The following RBM38 variants were observed in gnomAD, a reference collection of about 807,000 sequenced individuals.
The protein encoded by RBM38 is RNA binding motif protein 38, also known as RNA-binding protein 38.
In RBM38, 11 loss-of-function variants were observed where a neutral mutation model predicts 23.5. That is an observed-to-expected ratio of 0.47 (90% CI 0.29 to 0.77). The LOEUF (loss-of-function observed/expected upper bound fraction) is 0.77, where lower values mean the gene tolerates loss of function less well. RBM38 is among the 30% of genes least tolerant of loss of function. The pLI is 0.08. For synonymous variants in RBM38, 165 were observed against 166.1 expected (o/e 0.99, Z 0.05); for missense variants, 330 against 351.9 (o/e 0.94, Z 0.50).
Position 57,408,190 on chromosome 20 carries a change from A to C in RBM38, c.*344A>C. ...CTCAGGCTTGTGTCCCCACTGCTGC[A>C]TCGTGGCGGGGTGTCACAGACCCTC... On this transcript the variant is annotated 3_prime_UTR_variant, in exon 4 of 4. Transcript: ENST00000356208. The C allele has an allele frequency of 2.5e-6, 1 of 402,860 alleles. No individual in the cohort carries two copies. Among genetic ancestry groups the C allele is most frequent in the East Asian group, 5.3e-5 (1 of 18,924 alleles). 25.0% of individuals were successfully genotyped at this position (402,860 alleles called of 1,614,324 possible).
intron 3 of RBM38, among the ~76,000 whole-genome samples, chr20:57,406,564 C>T (rs933021781): frequency 2.6e-5 from 4 of 152,128 alleles, no homozygotes; most frequent in African/African-American, 4.8e-5. Flanking sequence ...TGGGCGCTGG[C>T]GAGTATGGCA....
chr20:57,392,396 G>C, intron 1 of RBM38: 1 of 1,515,254 alleles, frequency 6.6e-7, no homozygotes, highest in Non-Finnish European at 8.8e-7. Context: ...TATCCCCGCA[G>C]GGGATTATTT....
At chr20:57,396,741 A>G (rs2067278582) in intron 3 of RBM38, among the ~76,000 whole-genome samples, 1 of 152,236 alleles carries the variant, frequency 6.6e-6, no homozygotes, top group Non-Finnish European at 1.5e-5. Context: ...GTCTCCAGAC[A>G]TTGCCAAATG....
intron 3 of RBM38, among the ~76,000 whole-genome samples, chr20:57,402,719 C>T (rs906815106): frequency 3.3e-5 from 5 of 152,240 alleles, no homozygotes; most frequent in African/African-American, 1.2e-4. Flanking sequence ...GGCCTGCGGC[C>T]GGGGCGGGGC....
chr20:57,402,637 G>T (rs11905472), intron 3 of RBM38, among the ~76,000 whole-genome samples: 320 of 152,380 alleles, frequency 2.1e-3, no homozygotes, highest in African/African-American at 7.5e-3. Context: ...TGAGCATGGC[G>T]TGTGAGTGGG....
chr20:57,402,716 G>A (rs756188765), intron 3 of RBM38, among the ~76,000 whole-genome samples: 2 of 152,266 alleles, frequency 1.3e-5, no homozygotes, highest in African/African-American at 4.8e-5. Context: ...TTGGGCCTGC[G>A]GCCGGGGCGG....
chr20:57,408,128 C>T lies in RBM38; in HGVS notation c.*282C>T. On this transcript the variant is annotated 3_prime_UTR_variant, in exon 4 of 4. Coordinates refer to ENST00000356208, the MANE Select transcript of RBM38 (RefSeq NM_017495.6). ...TCCTTGCACACCATGGCAGCCTCTCCTTGCACCTTCTCCTGCCTCTCCACA... is the reference window on the plus strand; with the variant it reads ...TCCTTGCACACCATGGCAGCCTCTCTTTGCACCTTCTCCTGCCTCTCCACA... The T allele has an allele frequency of 2.0e-6, 1 of 506,334 alleles. No individual in the cohort carries two copies. Among genetic ancestry groups the T allele is most frequent in the Non-Finnish European group, 3.6e-6 (1 of 277,254 alleles). The allele number at this position is 506,334 out of a possible 1,614,324, so 31.4% of individuals were successfully genotyped here. A position where few individuals can be genotyped will look rare whatever the true frequency, so the allele number is the denominator to read the frequency against.
intron 3 of RBM38, among the ~76,000 whole-genome samples, chr20:57,404,475 G>A (rs1237205855): frequency 6.6e-6 from 1 of 151,768 alleles, no homozygotes; most frequent in Non-Finnish European, 1.5e-5. Flanking sequence ...GGTCGGGGGG[G>A]CACTGATGAT....
intron 3 of RBM38, among the ~76,000 whole-genome samples, chr20:57,401,640 G>A (rs1220238418): frequency 6.6e-6 from 1 of 152,240 alleles, no homozygotes; most frequent in African/African-American, 2.4e-5. Context: ...TGATGAAGGG[G>A]CTTCCGATCA....
intron 3 of RBM38, among the ~76,000 whole-genome samples, chr20:57,406,913 G>GA (rs1199405384): frequency 6.6e-6 from 1 of 150,912 alleles, no homozygotes; most frequent in African/African-American, 2.5e-5. Flanking sequence ...AGAATGGCGT[G>GA]AACCCGGGTG....
At position 57,406,962 on chromosome 20, in the gene RBM38, C is replaced by T. The variant is rs1199715317; in HGVS notation, c.417-581C>T. Among the ~76,000 whole-genome samples the T allele has an allele frequency of 3.8e-4, 57 of 150,844 alleles. No individual in the cohort carries two copies. In the Middle Eastern group the frequency reaches 0.014, roughly 36 times the overall value. ...TGAGCGGAGATCCCGCCACTGCACT[C>T]CAGCCTGGGGAACAGAGCGAGACTC... is the stretch of plus-strand genomic sequence containing the variant. On this transcript the variant is annotated intron_variant, in intron 3 of 3. Transcript: ENST00000356208.
At chr20:57,403,219 CT>C (rs1295914795) in intron 3 of RBM38, among the ~76,000 whole-genome samples, 1 of 152,198 alleles carries the variant, frequency 6.6e-6, no homozygotes, top group Non-Finnish European at 1.5e-5. Flanking sequence ...TCACAGCAAG[CT>C]TTTGAGGTCA....
At chr20:57,404,948 C>T (rs560257295) in intron 3 of RBM38, among the ~76,000 whole-genome samples, 6 of 152,316 alleles carry the variant, frequency 3.9e-5, no homozygotes, top group African/African-American at 9.6e-5. Flanking sequence ...TCAGCAGACC[C>T]GGCCGCCCCC....
intron 3 of RBM38, among the ~76,000 whole-genome samples, chr20:57,397,505 C>T (rs73172341): frequency 1.3e-5 from 2 of 152,326 alleles, no homozygotes; most frequent in African/African-American, 2.4e-5. Context: ...TTTCAGGGAC[C>T]CCTACGTCCT....
intron 3 of RBM38, among the ~76,000 whole-genome samples, chr20:57,406,196 G>A (rs986162783): frequency 3.9e-5 from 6 of 152,232 alleles, no homozygotes; most frequent in Admixed American, 2.6e-4. Flanking sequence ...TTGCAGACGG[G>A]AAACTGAGGC....
intron 3 of RBM38, among the ~76,000 whole-genome samples, chr20:57,403,417 C>T (rs1004547502): frequency 6.6e-6 from 1 of 152,184 alleles, no homozygotes; most frequent in Non-Finnish European, 1.5e-5. Flanking sequence ...TGTTCTCACT[C>T]CCCCTTGGGG....
chr20:57,407,477 C>T lies in RBM38; in HGVS notation c.417-66C>T. On this transcript the variant is annotated intron_variant, in intron 3 of 3. Transcript: ENST00000356208. This position sits in a 1 kb window ranked among gnomAD's most constrained non-coding sequence, Gnocchi z 4.0. ...GGGGGGCGGCACGCATCGTGTACCC[C>T]ACTGTTCTCCCAGCTGTATTCCCCA... The T allele has an allele frequency of 6.5e-7, 1 of 1,537,458 alleles. No homozygotes were observed. The highest frequency in any genetic ancestry group is 8.9e-7 in the Non-Finnish European group (1 of 1,126,930).
At chr20:57,396,777 C>G (rs984923505) in intron 3 of RBM38, among the ~76,000 whole-genome samples, 4 of 152,214 alleles carry the variant, frequency 2.6e-5, no homozygotes, top group East Asian at 3.8e-4. Context: ...GGCATGAGGA[C>G]CAGTATCTGT....
intron 3 of RBM38, among the ~76,000 whole-genome samples, chr20:57,400,290 G>T (rs1165824698): frequency 6.6e-6 from 1 of 152,196 alleles, no homozygotes; most frequent in Non-Finnish European, 1.5e-5. Flanking sequence ...TGCTGACCCT[G>T]GGTGTGTTGG....
Sources: gnomAD v4.1 joint callset for allele counts (sites outside exome capture counted in the v4.1 genomes callset) on GRCh38, gnomAD v4.1.1 for gene constraint, Gnocchi (gnomAD v3.1) non-coding constraint, MANE v1.5 for transcripts, NCBI Gene and HGNC (gene_info 2026-07-23, HGNC 2026-07-21) for gene names.